Variants in SBNO2 observed in about 807,000 individuals in gnomAD.
SBNO2 encodes the protein protein strawberry notch homolog 2.
Under a neutral mutation model 146.3 loss-of-function variants are expected in SBNO2, and 89 were observed. The observed-to-expected ratio is 0.61, with a 90% CI of 0.51 to 0.73. SBNO2 has a LOEUF of 0.73. Among genes scored for constraint, SBNO2 ranks in the 30% least tolerant of loss-of-function variants. The pLI is 0.00. For synonymous variants in SBNO2, 1,147 were observed against 892.6 expected (o/e 1.29, Z -5.08); for missense variants, 2,092 against 2,003.7 (o/e 1.04, Z -0.84).
intron 14 of SBNO2, 132 bp downstream of exon 14, chr19:1,118,879 A>C: frequency 1.1e-6 from 1 of 935,604 alleles, no homozygotes; most frequent in Non-Finnish European, 1.6e-6. Flanking sequence ...CAAAAAAACA[A>C]CAAAAAAAAA....
At position 1,117,485 on chromosome 19, in the gene SBNO2, C is replaced by G; in HGVS notation, c.1542G>C (p.Leu514=). The G allele has an allele frequency of 6.3e-7, 1 of 1,582,480 alleles. No individual in the cohort carries two copies. The highest frequency in any genetic ancestry group is 8.6e-7 in the Non-Finnish European group (1 of 1,166,050). Residue 514 remains leucine (L), a synonymous_variant, in exon 15 of 32, where the codon CTG becomes CTC. Coordinates refer to ENST00000361757, the MANE Select transcript of SBNO2 (RefSeq NM_014963.3). ...AGTCGGCCGCCTGCTGGAACACGTT[C>G]AGGGCCTCGGCCCACTGCAATGACA... ...NRAALLWAEA[L]NVFQQAADWI...
chr19:1,128,067 C>T (rs749409605), intron 4 of SBNO2: 25 of 523,638 alleles, frequency 4.8e-5, no homozygotes, highest in African/African-American at 7.6e-5. Context: ...CTGCCTGCTT[C>T]GGCATCCAAA....
At chr19:1,146,819 G>A (rs2080194909) in intron 4 of SBNO2, among the ~76,000 whole-genome samples, 1 of 139,244 alleles carries the variant, frequency 7.2e-6, no homozygotes, top group Admixed American at 7.0e-5. Flanking sequence ...GGTGGGGGTG[G>A]GGTCCGCCTG....
At chr19:1,143,856 G>A (rs1332319063) in intron 4 of SBNO2, among the ~76,000 whole-genome samples, 2 of 152,160 alleles carry the variant, frequency 1.3e-5, no homozygotes, top group Admixed American at 6.5e-5. Flanking sequence ...AAGCTCTTCC[G>A]TCTTGGGTCC....
intron 1 of SBNO2, among the ~76,000 whole-genome samples, chr19:1,164,617 GGAGGAA>G (rs2080387776): frequency 6.8e-6 from 1 of 146,332 alleles, no homozygotes; most frequent in Non-Finnish European, 1.5e-5. Context: ...AGGAGGAGGA[GGAGGAA>G]CAGGAGGAGG....
At chr19:1,168,261 G>A (rs910827677) in intron 1 of SBNO2, among the ~76,000 whole-genome samples, 1 of 152,040 alleles carries the variant, frequency 6.6e-6, no homozygotes, top group Non-Finnish European at 1.5e-5. Context: ...GGGGCTCGCA[G>A]CTCCCCCAAG....
At chr19:1,155,063 G>T (rs1194240401) in intron 1 of SBNO2, 1 of 152,102 alleles carries the variant, frequency 6.6e-6, no homozygotes, top group African/African-American at 2.4e-5. Context: ...CGCCCGCCAG[G>T]CTGAGCCCCC....
chr19:1,132,257 C>G, intron 4 of SBNO2: 1 of 1,310,422 alleles, frequency 7.6e-7, no homozygotes, highest in Non-Finnish European at 9.7e-7. Context: ...GCTCTCCGCC[C>G]GGCTGCATTT....
At position 1,117,326 on chromosome 19, in the gene SBNO2, G is replaced by C. The variant is rs748704039; in HGVS notation, c.1701C>G (p.Asp567Glu). ...CTCGAAGGCCGCAGCCGCTCACCTT[G>C]TCTCGCGCCAGCTCCTCTCGGGCCA... ...VELAREELARDKCVVIGLQST... is the reference protein window; with the variant it reads ...VELAREELAREKCVVIGLQST... The change falls in exon 15 of 32, where the codon GAC becomes GAG. Residue 567 changes from aspartate (D) to glutamate (E), a missense_variant. By Grantham distance (45) the Asp-to-Glu change is conservative (BLOSUM62 2). Transcript: ENST00000361757. 34 of 1,562,998 alleles carry C rather than the reference G, an allele frequency of 2.2e-5. No individual in the cohort carries two copies. Among genetic ancestry groups the C allele is most frequent in the Non-Finnish European group, 2.3e-5 (27 of 1,155,040 alleles).
chr19:1,157,641 G>C lies in SBNO2; in HGVS notation c.-126-3239C>G, dbSNP rs1458004250. 6.6e-6 allele frequency among the ~76,000 whole-genome samples: 1 copy of C among 152,230 alleles called. No individual in the cohort carries two copies. Among genetic ancestry groups the C allele is most frequent in the Non-Finnish European group, 1.5e-5 (1 of 68,032 alleles). ...CGCTTTATCAGCACGCTGACACCCAGAGGGGATGTGGCTTCCTTCTGAAAT... is the reference window on the plus strand; with the variant it reads ...CGCTTTATCAGCACGCTGACACCCACAGGGGATGTGGCTTCCTTCTGAAAT... On this transcript the variant is annotated intron_variant, in intron 1 of 31. Transcript: ENST00000361757. This position sits in a 1 kb window ranked among gnomAD's most constrained non-coding sequence, Gnocchi z 6.8.
chr19:1,140,111 A>G lies in SBNO2; in HGVS notation c.279+7198T>C, dbSNP rs1450835291. Among the ~76,000 whole-genome samples the G allele has an allele frequency of 6.6e-6, 1 of 151,952 alleles. No individual in the cohort carries two copies. Among genetic ancestry groups the G allele is most frequent in the Non-Finnish European group, 1.5e-5 (1 of 67,956 alleles). ...TCAGGAGATTGAGACCAGCCTGGCTAACACGGTGAAACCCCGTGTCCACTA... is the reference window on the plus strand; with the variant it reads ...TCAGGAGATTGAGACCAGCCTGGCTGACACGGTGAAACCCCGTGTCCACTA... On this transcript the variant is annotated intron_variant, in intron 4 of 31. Coordinates refer to ENST00000361757, the MANE Select transcript of SBNO2 (RefSeq NM_014963.3). This position sits in a 1 kb window ranked among gnomAD's most constrained non-coding sequence, Gnocchi z 4.4.
chr19:1,155,423 C>T (rs959929387), intron 1 of SBNO2, among the ~76,000 whole-genome samples: 5 of 152,200 alleles, frequency 3.3e-5, no homozygotes, highest in Admixed American at 3.3e-4. Context: ...CAACTGTCCG[C>T]GGCCTCTGCC....
intron 1 of SBNO2, among the ~76,000 whole-genome samples, chr19:1,171,768 G>A (rs1318333714): frequency 6.6e-6 from 1 of 152,122 alleles, no homozygotes; most frequent in Non-Finnish European, 1.5e-5. Flanking sequence ...CAAGTGGGTG[G>A]GGGGTCTAGG....
Position 1,113,713 on chromosome 19 carries a change from G to A in SBNO2, c.2078-9C>T, listed in dbSNP as rs1166745523. On this transcript the variant is annotated splice_polypyrimidine_tract_variant and intron_variant, in intron 18 of 31. Transcript: ENST00000361757. ...CAGGAGGCACAGGGGTCCTAGGGAG[G>A]AGGTGGAGGGTCAGGGCAGGACATG... The A allele has an allele frequency of 2.0e-6, 3 of 1,528,304 alleles. No individual in the cohort carries two copies. Among genetic ancestry groups the A allele is most frequent in the Admixed American group, 4.3e-5 (2 of 46,108 alleles). 94.7% of individuals were successfully genotyped at this position (1,528,304 alleles called of 1,614,324 possible).
In SBNO2 at chr19:1,107,892, C is replaced by T. The variant is rs1251640374; in HGVS notation, c.*328G>A. 1.1e-5 allele frequency: 2 copies of T among 177,716 alleles called. No individual in the cohort carries two copies. Among genetic ancestry groups the T allele is most frequent in the Non-Finnish European group, 2.4e-5 (2 of 84,572 alleles). The allele number at this position is 177,716 out of a possible 1,614,324, so 11.0% of individuals were successfully genotyped here. ...CCTGGGGTTTCCTGAGTTTCTAGCT[C>T]TTGGGACCACCCGGTTTCACGGATT... On this transcript the variant is annotated 3_prime_UTR_variant, in exon 32 of 32. Transcript: ENST00000361757.
chr19:1,134,199 A>G (rs1248864813), intron 4 of SBNO2, among the ~76,000 whole-genome samples: 1 of 150,754 alleles, frequency 6.6e-6, no homozygotes, highest in Non-Finnish European at 1.5e-5. Flanking sequence ...GTGGACTCAC[A>G]GCTCACAGGT....
intron 1 of SBNO2, among the ~76,000 whole-genome samples, chr19:1,160,073 C>T (rs922132352): frequency 1.3e-5 from 2 of 152,156 alleles, no homozygotes; most frequent in African/African-American, 2.4e-5. Context: ...CCCTCTCACA[C>T]GTTCCACCCC....
At position 1,132,230 on chromosome 19, in the gene SBNO2, C is replaced by A. The variant is rs983495532; in HGVS notation, c.280-4465G>T. The stretch of plus-strand genomic sequence containing the variant: ...GCAGCAGCCCCAGCATTGGGTCGGC[C>A]GGGGCGGACGGGGGCGGCTCTCCGC... On this transcript the variant is annotated intron_variant, in intron 4 of 31. Coordinates refer to ENST00000361757, the MANE Select transcript of SBNO2 (RefSeq NM_014963.3). The A allele has an allele frequency of 4.6e-6, 6 of 1,305,558 alleles. No individual in the cohort carries two copies. The African/African-American group carries it at 9.3e-5, about 20-fold the overall frequency. The allele number at this position is 1,305,558 out of a possible 1,614,324, so 80.9% of individuals were successfully genotyped here. A position where few individuals can be genotyped will look rare whatever the true frequency, so the allele number is the denominator to read the frequency against.
intron 1 of SBNO2, 44 bp from the exon 2 acceptor site, chr19:1,154,446 GA>G (rs2080270740): frequency 2.6e-6 from 1 of 392,048 alleles, no homozygotes; most frequent in African/African-American, 2.1e-5. Flanking sequence ...AACGGTGGTG[GA>G]GAGTGGTGCT....
Sources: gnomAD v4.1 joint callset for allele counts (sites outside exome capture counted in the v4.1 genomes callset) on GRCh38, gnomAD v4.1.1 for gene constraint, Gnocchi (gnomAD v3.1) non-coding constraint, MANE v1.5 for transcripts, NCBI Gene and HGNC (gene_info 2026-07-23, HGNC 2026-07-21) for gene names.